Variants in SLC22A23 observed in about 807,000 individuals in gnomAD.
The protein encoded by SLC22A23 is solute carrier family 22 member 23.
Under a neutral mutation model 61.0 loss-of-function variants are expected in SLC22A23, and 26 were observed. The observed-to-expected ratio is 0.43, with a 90% CI of 0.31 to 0.59. The LOEUF (loss-of-function observed/expected upper bound fraction) is 0.59. Among genes scored for constraint, SLC22A23 ranks in the 20% least tolerant of loss-of-function variants. SLC22A23 has a pLI of 0.11. For missense variants in SLC22A23, 796 were observed against 934.7 expected (o/e 0.85, Z 1.94); for synonymous variants, 430 against 413.9 (o/e 1.04, Z -0.47).
chr6:3,365,970 G>A (rs1205030366), intron 3 of SLC22A23, among the ~76,000 whole-genome samples: 3 of 152,066 alleles, frequency 2.0e-5, no homozygotes, highest in South Asian at 4.2e-4. Flanking sequence ...ATGCTGCATC[G>A]GAGTGTGCAT....
chr6:3,280,937 C>G (rs1033525064), intron 9 of SLC22A23, among the ~76,000 whole-genome samples: 1 of 152,144 alleles, frequency 6.6e-6, no homozygotes, highest in African/African-American at 2.4e-5. Context: ...GGGAGTGTCT[C>G]AGGGAGGCCT....
At position 3,330,399 on chromosome 6, in the gene SLC22A23, C is replaced by A. The variant is rs950541246; in HGVS notation, c.914-6397G>T. Among the ~76,000 whole-genome samples, 18 of 152,192 alleles carry A rather than the reference C, an allele frequency of 1.2e-4. No individual in the cohort carries two copies. The highest frequency in any genetic ancestry group is 3.6e-4 in the African/African-American group (15 of 41,450). On this transcript the variant is annotated intron_variant, in intron 3 of 9. Transcript: ENST00000406686. This position sits in a 1 kb window ranked among gnomAD's most constrained non-coding sequence, Gnocchi z 4.7. ...CCCCATCATCCTGGACTGCGCCCCTCCCTGGCAAAGTGGAGAACTGCAGGG... is the reference window on the plus strand; with the variant it reads ...CCCCATCATCCTGGACTGCGCCCCTACCTGGCAAAGTGGAGAACTGCAGGG...
chr6:3,280,738 T>A (rs189452664), intron 9 of SLC22A23, among the ~76,000 whole-genome samples: 18 of 152,124 alleles, frequency 1.2e-4, no homozygotes, highest in Non-Finnish European at 2.2e-4. Context: ...CCTCGTGATC[T>A]GCCCGCCTCA....
chr6:3,307,572 C>A (rs548536136), intron 4 of SLC22A23, among the ~76,000 whole-genome samples: 2 of 152,364 alleles, frequency 1.3e-5, no homozygotes, highest in African/African-American at 2.4e-5. Flanking sequence ...ATATGCTGGA[C>A]GGCAGACTGA....
intron 5 of SLC22A23, among the ~76,000 whole-genome samples, chr6:3,293,396 C>T (rs1760790277): frequency 6.6e-6 from 1 of 152,242 alleles, no homozygotes; most frequent in Non-Finnish European, 1.5e-5. Context: ...GCTGCCTCTT[C>T]CCCACAGCCC....
chr6:3,290,108 G>A (rs527604234), intron 5 of SLC22A23: 268 of 557,028 alleles, frequency 4.8e-4, no homozygotes, highest in Admixed American at 2.5e-3. Flanking sequence ...AAGGTGCACC[G>A]TCAGCAGAAG....
In SLC22A23 at chr6:3,286,754, T is replaced by C. The variant is rs1192040974; in HGVS notation, c.1546+105A>G. The C allele has an allele frequency of 1.8e-5, 18 of 985,604 alleles. No homozygotes were observed. Among genetic ancestry groups the C allele is most frequent in the Non-Finnish European group, 2.6e-5 (17 of 659,370 alleles). The allele number at this position is 985,604 out of a possible 1,614,324, so 61.1% of individuals were successfully genotyped here. On this transcript the variant is annotated intron_variant, in intron 7 of 9. Coordinates refer to ENST00000406686, the MANE Select transcript of SLC22A23 (RefSeq NM_015482.2). This position sits in a 1 kb window ranked among gnomAD's most constrained non-coding sequence, Gnocchi z 4.2. ...TCCCCAAAGCAGCTCCTTCCAGCAG[T>C]AGATTTTAGAGTGGCCAGCGGAGTC...
At chr6:3,326,033 A>T (rs1052467654) in intron 3 of SLC22A23, among the ~76,000 whole-genome samples, 9 of 152,272 alleles carry the variant, frequency 5.9e-5, no homozygotes, top group Admixed American at 2.0e-4. Context: ...TCCCTTTGGG[A>T]TGTCTAACCC....
At chr6:3,275,348 C>G (rs917911902) in intron 9 of SLC22A23, among the ~76,000 whole-genome samples, 5 of 152,182 alleles carry the variant, frequency 3.3e-5, no homozygotes, top group African/African-American at 1.2e-4. Flanking sequence ...CTTAACTTAG[C>G]TCAAACTATA....
intron 1 of SLC22A23, among the ~76,000 whole-genome samples, chr6:3,421,997 T>C (rs1161128736): frequency 6.6e-6 from 1 of 152,198 alleles, no homozygotes; most frequent in Non-Finnish European, 1.5e-5. Context: ...TCTTTTGTAG[T>C]GGAGATCCCC....
At chr6:3,273,888 C>T (rs1758662259) in intron 9 of SLC22A23, among the ~76,000 whole-genome samples, 1 of 152,294 alleles carries the variant, frequency 6.6e-6, no homozygotes, top group Middle Eastern at 3.4e-3. Flanking sequence ...GAGACTTTCT[C>T]TTTGTCATAA....
chr6:3,344,163 T>C (rs1764297124), intron 3 of SLC22A23, among the ~76,000 whole-genome samples: 2 of 152,208 alleles, frequency 1.3e-5, no homozygotes, highest in African/African-American at 2.4e-5. Flanking sequence ...AGTTCTTCAG[T>C]TGCACTGGCC....
rs138273009 is a variant in SLC22A23 at position 3,273,115 on chromosome 6, G to A, written c.2001C>T (p.Ala667=). The change falls in exon 10 of 10, where the codon GCC becomes GCT. Residue 667 remains alanine, a synonymous_variant. Transcript: ENST00000406686. The part of the protein sequence containing the change: ...ELKDYSGLHD[A]AAAGDTLPEG... ...CGGGCAGTGTGTCACCCGCGGCTGC[G>A]GCATCGTGGAGGCCCGAGTAGTCCT... 232 of 1,602,822 alleles carry A rather than the reference G, an allele frequency of 1.4e-4. No homozygotes were observed. Among genetic ancestry groups the A allele is most frequent in the Non-Finnish European group, 1.8e-4 (206 of 1,176,440 alleles).
At chr6:3,326,398 AG>A (rs1296757638) in intron 3 of SLC22A23, among the ~76,000 whole-genome samples, 1 of 152,136 alleles carries the variant, frequency 6.6e-6, no homozygotes, top group Non-Finnish European at 1.5e-5. Context: ...GCAGCATCTT[AG>A]GCCCCACCCA....
At position 3,410,770 on chromosome 6, in the gene SLC22A23, C is replaced by A. The variant is rs559007520; in HGVS notation, c.759-428G>T. Among the ~76,000 whole-genome samples, 5 of 152,282 alleles carry A rather than the reference C, an allele frequency of 3.3e-5. No homozygotes were observed. The highest frequency in any genetic ancestry group is 7.4e-5 in the Non-Finnish European group (5 of 68,020). ...AAGTCAACATGGTCACCAAGCAAAGCGGCTTTGTTTCCTCTCCCCAGGTTG... is the reference window on the plus strand; with the variant it reads ...AAGTCAACATGGTCACCAAGCAAAGAGGCTTTGTTTCCTCTCCCCAGGTTG... On this transcript the variant is annotated intron_variant, in intron 2 of 9. Transcript: ENST00000406686. The surrounding 1 kb of genome is among the most constrained non-coding windows in gnomAD (Gnocchi z 5.0).
At chr6:3,356,663 T>C (rs1452343487) in intron 3 of SLC22A23, among the ~76,000 whole-genome samples, 1 of 152,136 alleles carries the variant, frequency 6.6e-6, no homozygotes, top group Non-Finnish European at 1.5e-5. Context: ...TGTAACCCTG[T>C]TGTCTTCCTC....
chr6:3,364,147 C>T (rs1384122103), intron 3 of SLC22A23, among the ~76,000 whole-genome samples: 1 of 152,240 alleles, frequency 6.6e-6, no homozygotes, highest in African/African-American at 2.4e-5. Context: ...AGCTCATTAT[C>T]TGCACACAAA....
chr6:3,421,543 T>C (rs1409981213), intron 1 of SLC22A23, among the ~76,000 whole-genome samples: 1 of 152,256 alleles, frequency 6.6e-6, no homozygotes, highest in African/African-American at 2.4e-5. Flanking sequence ...AAGAGATGTT[T>C]GTATATGCAG....
chr6:3,435,465 T>C lies in SLC22A23; in HGVS notation c.655-19610A>G, dbSNP rs191471653. 2.3e-4 allele frequency among the ~76,000 whole-genome samples: 35 copies of C among 152,210 alleles called. No individual in the cohort carries two copies. In the East Asian group the frequency reaches 6.6e-3, roughly 29 times the overall value. On this transcript the variant is annotated intron_variant, in intron 1 of 9. Coordinates refer to ENST00000406686, the MANE Select transcript of SLC22A23 (RefSeq NM_015482.2). ...TTCCCAGCTACCTCTCCTGCAGTGG[T>C]GGGACCTGCCCTTCCCTCTAGTACC...
Sources: gnomAD v4.1 joint callset for allele counts (sites outside exome capture counted in the v4.1 genomes callset) on GRCh38, gnomAD v4.1.1 for gene constraint, Gnocchi (gnomAD v3.1) non-coding constraint, MANE v1.5 for transcripts, NCBI Gene and HGNC (gene_info 2026-07-23, HGNC 2026-07-21) for gene names.